The following L3MBTL3 variants were observed in gnomAD, a reference collection of about 807,000 sequenced individuals.
The protein encoded by L3MBTL3 is L3MBTL histone methyl-lysine binding protein 3, also known as lethal(3)malignant brain tumor-like protein 3.
L3MBTL3 carries 27 observed loss-of-function variants against 102.3 expected under a neutral mutation model. The ratio of observed to expected loss-of-function variants is 0.26; its 90% confidence interval spans 0.19 to 0.36. The LOEUF is 0.36. Among genes scored for constraint, L3MBTL3 ranks in the 10% least tolerant of loss-of-function variants. The probability of loss-of-function intolerance (pLI) is 1.00; values close to 1 mark genes in which losing one functional copy is unlikely to be tolerated. For missense variants in L3MBTL3, 798 were observed against 955.3 expected, an observed-to-expected ratio of 0.84 and a Z score of 2.17; for synonymous variants, 340 against 320.9, an observed-to-expected ratio of 1.06 and a Z score of -0.64.
intron 22 of L3MBTL3, chr6:130,137,741 T>C (rs753256620): frequency 6.6e-6 from 1 of 152,200 alleles, no homozygotes; most frequent in Non-Finnish European, 1.5e-5. Context: ...TGTAGTGGGC[T>C]CCTTGGGAAT....
rs115943004 is a variant in L3MBTL3, at chr6:130,064,334, G to T, written c.865-2019G>T. Among the ~76,000 whole-genome samples the T allele has an allele frequency of 3.4e-3, 518 of 152,268 alleles. 7 individuals carry two copies. The highest frequency in any genetic ancestry group is 0.012 in the African/African-American group (495 of 41,554). Reference sequence around the variant, plus strand: ...TGTTGAGATTGAGGAAGAGGCATCTGGGGGTAACTGGGTTTGCAGACTGGA... The same window carrying T: ...TGTTGAGATTGAGGAAGAGGCATCTTGGGGTAACTGGGTTTGCAGACTGGA... On this transcript the variant is annotated intron_variant, in intron 10 of 22. Transcript: ENST00000361794.
intron 18 of L3MBTL3, among the ~76,000 whole-genome samples, 156 bp downstream of exon 18, chr6:130,094,523 A>T (rs1784245927): frequency 6.6e-6 from 1 of 152,204 alleles, no homozygotes; most frequent in African/African-American, 2.4e-5. Flanking sequence ...AATGAAGGGA[A>T]TATCTATAGT....
intron 22 of L3MBTL3, among the ~76,000 whole-genome samples, chr6:130,135,217 C>T (rs747322071): frequency 4.0e-5 from 6 of 151,826 alleles, no homozygotes; most frequent in Admixed American, 1.3e-4. Flanking sequence ...CCCGCCACCA[C>T]GCTCGGCTAA....
At chr6:130,026,440 A>G (rs1177778573) in intron 2 of L3MBTL3, among the ~76,000 whole-genome samples, 2 of 152,200 alleles carry the variant, frequency 1.3e-5, no homozygotes, top group African/African-American at 2.4e-5. Context: ...TTGATTTTCA[A>G]AATAGTAACA....
At chr6:130,076,870 C>T (rs1383890866) in intron 13 of L3MBTL3, among the ~76,000 whole-genome samples, 1 of 152,070 alleles carries the variant, frequency 6.6e-6, no homozygotes, top group Non-Finnish European at 1.5e-5. Context: ...GAGGCAGCTT[C>T]TTTGTTTTAA....
At chr6:130,053,550 G>A (rs867857572) in intron 7 of L3MBTL3, among the ~76,000 whole-genome samples, 5 of 151,818 alleles carry the variant, frequency 3.3e-5, no homozygotes, top group African/African-American at 4.8e-5. Flanking sequence ...CAGGAGAATG[G>A]CGTGAACCTG....
rs113160142 is a variant in L3MBTL3, at chr6:130,071,617, A to G, written c.1244+490A>G. On this transcript the variant is annotated intron_variant, in intron 13 of 22. Coordinates refer to ENST00000361794, the MANE Select transcript of L3MBTL3 (RefSeq NM_032438.4). ...TAAACAGTTGAAATAAGGATTTTTC[A>G]TACCAAATTCATGTTCATTGATTGC... 7.1e-3 allele frequency among the ~76,000 whole-genome samples: 1,074 copies of G among 152,192 alleles called. 8 individuals carry two copies. Among genetic ancestry groups the G allele is most frequent in the Non-Finnish European group, 9.8e-3 (668 of 67,992 alleles).
At position 130,037,264 on chromosome 6, in the gene L3MBTL3, C is replaced by T. The variant is rs75303153; in HGVS notation, c.-15-5421C>T. Among the ~76,000 whole-genome samples the T allele has an allele frequency of 9.3e-3, 1,421 of 152,162 alleles. 52 individuals carry two copies. In the East Asian group the frequency reaches 0.11, roughly 12 times the overall value. ...ACAATTTTATACTATAAGATAATTT[C>T]ACTAAATTTCCTTAAAGTGTACTTG... On this transcript the variant is annotated intron_variant, in intron 2 of 22. Coordinates refer to ENST00000361794, the MANE Select transcript of L3MBTL3 (RefSeq NM_032438.4).
intron 2 of L3MBTL3, among the ~76,000 whole-genome samples, chr6:130,033,218 A>C (rs1383477305): frequency 6.6e-6 from 1 of 152,146 alleles, no homozygotes; most frequent in Non-Finnish European, 1.5e-5. Flanking sequence ...TCGGGTGGGG[A>C]GGCTCAAAGC....
chr6:130,081,143 A>G (rs563988780), intron 14 of L3MBTL3, among the ~76,000 whole-genome samples: 73 of 152,326 alleles, frequency 4.8e-4, no homozygotes, highest in African/African-American at 1.6e-3. Context: ...GCCTTTTAAA[A>G]CTATTTTTAT....
intron 19 of L3MBTL3, among the ~76,000 whole-genome samples, chr6:130,105,205 A>G (rs1327299118): frequency 6.6e-6 from 1 of 152,218 alleles, no homozygotes; most frequent in Non-Finnish European, 1.5e-5. Context: ...CTTAATACTT[A>G]GGTTTTGGCT....
chr6:130,104,954 A>G (rs1784900433), intron 19 of L3MBTL3, among the ~76,000 whole-genome samples: 1 of 152,202 alleles, frequency 6.6e-6, no homozygotes, highest in Non-Finnish European at 1.5e-5. Context: ...AAGAATGGAC[A>G]TTATTTCTTT....
intron 18 of L3MBTL3, among the ~76,000 whole-genome samples, chr6:130,099,375 A>G (rs759104224): frequency 9.2e-5 from 14 of 152,198 alleles, no homozygotes; most frequent in Non-Finnish European, 1.8e-4. Flanking sequence ...TTGTCACTAG[A>G]AACTTAGTAC....
At chr6:130,037,744 C>T (rs539605180) in intron 2 of L3MBTL3, among the ~76,000 whole-genome samples, 1 of 151,956 alleles carries the variant, frequency 6.6e-6, no homozygotes, top group Non-Finnish European at 1.5e-5. Flanking sequence ...ATTGGGATAT[C>T]CTTCACTTCA....
chr6:130,076,404 T>G (rs1782951187), intron 13 of L3MBTL3, among the ~76,000 whole-genome samples: 2 of 152,166 alleles, frequency 1.3e-5, no homozygotes, highest in African/African-American at 4.8e-5. Flanking sequence ...CTCTTTGATT[T>G]CCATAAAATG....
intron 4 of L3MBTL3, 112 bp from the exon 5 acceptor site, chr6:130,049,644 G>A: frequency 8.3e-7 from 1 of 1,200,784 alleles, no homozygotes. Flanking sequence ...GTAAATCCAT[G>A]TTGTAGCCTA....
chr6:130,029,247 C>G (rs542536538), intron 2 of L3MBTL3, among the ~76,000 whole-genome samples: 1 of 152,294 alleles, frequency 6.6e-6, no homozygotes, highest in South Asian at 2.1e-4. Context: ...CTCCAGTGCT[C>G]CTATAGAGAA....
intron 22 of L3MBTL3, among the ~76,000 whole-genome samples, chr6:130,138,891 A>C (rs1582679114): frequency 6.6e-6 from 1 of 152,120 alleles, no homozygotes; most frequent in African/African-American, 2.4e-5. Context: ...GATGTGTTGT[A>C]CCTTTGAACT....
At chr6:130,020,185 T>C (rs1467641751) in intron 1 of L3MBTL3, among the ~76,000 whole-genome samples, 3 of 148,930 alleles carry the variant, frequency 2.0e-5, no homozygotes, top group Non-Finnish European at 4.5e-5. Flanking sequence ...TAATGGGCTT[T>C]GCACACTCGC....
Sources: allele counts gnomAD v4.1 joint callset (sites outside exome capture counted in the v4.1 genomes callset), GRCh38; gene constraint gnomAD v4.1.1; transcripts MANE v1.5; gene names NCBI Gene and HGNC (gene_info 2026-07-23, HGNC 2026-07-21).